The following TAFA2 variants were observed in gnomAD, a reference collection of about 807,000 sequenced individuals.
The protein encoded by TAFA2 is TAFA chemokine like family member 2, also known as chemokine-like protein TAFA-2.
TAFA2 carries 7 observed loss-of-function variants against 18.8 expected under a neutral mutation model. The ratio of observed to expected loss-of-function variants is 0.37; its 90% confidence interval spans 0.21 to 0.70. TAFA2 has a LOEUF of 0.70. Among genes scored for constraint, TAFA2 ranks in the 30% least tolerant of loss-of-function variants. TAFA2 has a pLI of 0.53. For synonymous variants in TAFA2, 60 were observed against 54.2 expected, an observed-to-expected ratio of 1.11 and a Z score of -0.47; for missense variants, 122 against 158.1, an observed-to-expected ratio of 0.77 and a Z score of 1.23.
intron 1 of TAFA2, among the ~76,000 whole-genome samples, chr12:62,095,181 G>A (rs1043233015): frequency 2.2e-4 from 34 of 151,984 alleles, no homozygotes; most frequent in African/African-American, 6.5e-4. Context: ...ACAACTATAA[G>A]AGCATCATAA....
chr12:61,964,770 C>A (rs1455529395), intron 1 of TAFA2, among the ~76,000 whole-genome samples: 1 of 151,912 alleles, frequency 6.6e-6, no homozygotes, highest in East Asian at 1.9e-4. Flanking sequence ...TCTACCACCT[C>A]TTTTCTCCAC....
At chr12:61,846,505 G>A (rs146347059) in intron 2 of TAFA2, among the ~76,000 whole-genome samples, 4 of 151,880 alleles carry the variant, frequency 2.6e-5, no homozygotes, top group African/African-American at 7.3e-5. Flanking sequence ...TTAGGGAAAG[G>A]GAAAAGTTTA....
chr12:61,995,678 T>A (rs1457035159), intron 1 of TAFA2, among the ~76,000 whole-genome samples: 1 of 152,098 alleles, frequency 6.6e-6, no homozygotes, highest in Non-Finnish European at 1.5e-5. Context: ...AGTATGTGAT[T>A]CCATTTATAT....
chr12:61,936,962 T>G (rs1022119282), intron 1 of TAFA2, among the ~76,000 whole-genome samples: 1 of 152,098 alleles, frequency 6.6e-6, no homozygotes, highest in Admixed American at 6.6e-5. Context: ...AAACAATGTC[T>G]CAGGTTACAA....
At chr12:62,133,514 GA>G (rs1290365297) in intron 1 of TAFA2, among the ~76,000 whole-genome samples, 1 of 151,980 alleles carries the variant, frequency 6.6e-6, no homozygotes, top group Non-Finnish European at 1.5e-5. Context: ...AAAAAATAGA[GA>G]GGGAGATTTC....
At chr12:62,086,842 C>T (rs765674135) in intron 1 of TAFA2, among the ~76,000 whole-genome samples, 4 of 152,036 alleles carry the variant, frequency 2.6e-5, no homozygotes, top group Non-Finnish European at 4.4e-5. Context: ...CACCTATATT[C>T]ATAGCAACAC....
upstream of TAFA2, among the ~76,000 whole-genome samples, chr12:62,193,813 C>A (rs1464159563): frequency 6.6e-6 from 1 of 152,190 alleles, no homozygotes; most frequent in Non-Finnish European, 1.5e-5. Flanking sequence ...TATTATTAAA[C>A]ACCCTTCCAT....
At chr12:62,144,038 A>G (rs936171077) in intron 1 of TAFA2, among the ~76,000 whole-genome samples, 2 of 118,284 alleles carry the variant, frequency 1.7e-5, no homozygotes, top group Non-Finnish European at 3.4e-5. Context: ...ACAGAGTGAG[A>G]CCCTATCTTA....
intron 1 of TAFA2, among the ~76,000 whole-genome samples, chr12:62,159,071 C>G (rs2062389792): frequency 6.6e-6 from 1 of 152,166 alleles, no homozygotes; most frequent in Admixed American, 6.5e-5. Flanking sequence ...AGGCTGTTGA[C>G]AGGAAACATA....
intron 4 of TAFA2, among the ~76,000 whole-genome samples, chr12:61,713,499 A>G (rs1869508438): frequency 6.6e-6 from 1 of 152,172 alleles, no homozygotes; most frequent in South Asian, 2.1e-4. Context: ...AGCCTAACTA[A>G]TGACTCATCC....
At chr12:62,088,406 C>G (rs532819090) in intron 1 of TAFA2, among the ~76,000 whole-genome samples, 23 of 151,990 alleles carry the variant, frequency 1.5e-4, no homozygotes, top group African/African-American at 5.5e-4. Flanking sequence ...TCCCAGGAGA[C>G]AGCAGCACGT....
intron 4 of TAFA2, among the ~76,000 whole-genome samples, chr12:61,739,544 A>G (rs1417043137): frequency 6.6e-6 from 1 of 152,086 alleles, no homozygotes; most frequent in Non-Finnish European, 1.5e-5. Flanking sequence ...GATGTGAAAC[A>G]GTTTTACTGA....
At chr12:61,886,688 GAAAGGATGTACATTAACA>G (rs1875396949) in intron 1 of TAFA2, among the ~76,000 whole-genome samples, 2 of 152,142 alleles carry the variant, frequency 1.3e-5, no homozygotes, top group Admixed American at 1.3e-4. Flanking sequence ...CAGTCTAATT[GAAAGGATGTACATTAACA>G]AAAGGATTGG....
chr12:61,981,643 G>T (rs938576913), intron 1 of TAFA2, among the ~76,000 whole-genome samples: 2 of 152,174 alleles, frequency 1.3e-5, no homozygotes, highest in Admixed American at 1.3e-4. Flanking sequence ...CAAACAGTGG[G>T]CAAAGGATGT....
chr12:61,758,536 C>G (rs11174158), intron 2 of TAFA2, among the ~76,000 whole-genome samples: 1 of 151,348 alleles, frequency 6.6e-6, no homozygotes, highest in Non-Finnish European at 1.5e-5. Flanking sequence ...TGAGTGGATT[C>G]GGTGGTGAGA....
chr12:62,005,059 A>G (rs534498584), intron 1 of TAFA2, among the ~76,000 whole-genome samples: 1 of 152,196 alleles, frequency 6.6e-6, no homozygotes, highest in East Asian at 1.9e-4. Flanking sequence ...ATGTAGGTCA[A>G]AGAGTTCAAA....
chr12:62,017,436 T>G (rs769811767), intron 1 of TAFA2, among the ~76,000 whole-genome samples: 1 of 152,182 alleles, frequency 6.6e-6, no homozygotes, highest in African/African-American at 2.4e-5. Flanking sequence ...ATATACAAGA[T>G]GCTGTGGCAG....
intron 1 of TAFA2, among the ~76,000 whole-genome samples, chr12:62,222,037 G>A (rs1184979302): frequency 1.3e-5 from 2 of 152,152 alleles, no homozygotes; most frequent in Admixed American, 6.5e-5. Flanking sequence ...GAAGATGGGA[G>A]TGGACCTGAA....
chr12:62,109,811 T>C (rs1869638254), intron 1 of TAFA2, among the ~76,000 whole-genome samples: 2 of 152,178 alleles, frequency 1.3e-5, no homozygotes, highest in Admixed American at 6.5e-5. Flanking sequence ...ATGCCTGTGA[T>C]TTTTGCACAT....
Sources: gnomAD v4.1 joint callset for allele counts (sites outside exome capture counted in the v4.1 genomes callset) on GRCh38, gnomAD v4.1.1 for gene constraint, MANE v1.5 for transcripts, NCBI Gene and HGNC (gene_info 2026-07-23, HGNC 2026-07-21) for gene names.